KAZN: variants seen among roughly 807,000 people sequenced by gnomAD.
KAZN encodes the protein kazrin.
KAZN carries 40 observed loss-of-function variants against 87.4 expected under a neutral mutation model. The ratio of observed to expected loss-of-function variants is 0.46; its 90% confidence interval spans 0.36 to 0.60. The LOEUF is 0.60. KAZN is among the 20% of genes least tolerant of loss of function. The pLI is 0.00. For synonymous variants in KAZN, 466 were observed against 458.3 expected, an observed-to-expected ratio of 1.02 and a Z score of -0.22; for missense variants, 898 against 1,073.9, an observed-to-expected ratio of 0.84 and a Z score of 2.29.
At chr1:14,634,172 G>A (rs548931599) in intron 1 of KAZN, among the ~76,000 whole-genome samples, 6 of 152,208 alleles carry the variant, frequency 3.9e-5, no homozygotes, top group South Asian at 2.1e-4. Context: ...AATGGATGCC[G>A]TTTATCGTAA....
intron 2 of KAZN, among the ~76,000 whole-genome samples, chr1:14,518,013 C>A (rs1397083761): frequency 1.3e-5 from 2 of 152,114 alleles, no homozygotes; most frequent in Non-Finnish European, 2.9e-5. Context: ...GTTTTACACT[C>A]ATTTTTGGGA....
At position 14,769,554 on chromosome 1, in the gene KAZN, A is replaced by G. The variant is rs1644969894; in HGVS notation, c.226+170331A>G. 6.6e-6 allele frequency among the ~76,000 whole-genome samples: 1 copy of G among 152,020 alleles called. No individual in the cohort carries two copies. Among genetic ancestry groups the G allele is most frequent in the Non-Finnish European group, 1.5e-5 (1 of 68,014 alleles). On this transcript the variant is annotated intron_variant, in intron 1 of 14. Transcript: ENST00000376030. This position sits in a 1 kb window ranked among gnomAD's most constrained non-coding sequence, Gnocchi z 4.1. Reference sequence around the variant, plus strand: ...TTTTTAGTAGAGACAGGGTTTCACCATGTTGGCCAGACTAGTTTCAAACTT... The same window carrying G: ...TTTTTAGTAGAGACAGGGTTTCACCGTGTTGGCCAGACTAGTTTCAAACTT...
intron 2 of KAZN, among the ~76,000 whole-genome samples, chr1:14,587,970 C>A (rs1675960770): frequency 6.6e-6 from 1 of 152,108 alleles, no homozygotes; most frequent in Non-Finnish European, 1.5e-5. Flanking sequence ...TGGAAGGAGG[C>A]CATACAGAAA....
chr1:14,402,083 C>A, intron 2 of KAZN, among the ~76,000 whole-genome samples: 1 of 16,372 alleles, frequency 6.1e-5, no homozygotes, highest in African/African-American at 2.4e-4. Flanking sequence ...AGTTATGAGT[C>A]TATGTAAAAA....
intron 2 of KAZN, among the ~76,000 whole-genome samples, chr1:14,320,289 T>G (rs913326267): frequency 6.6e-6 from 1 of 152,136 alleles, no homozygotes; most frequent in East Asian, 1.9e-4. Context: ...GAAAGAGATA[T>G]AGGTTCCTCA....
intron 1 of KAZN, among the ~76,000 whole-genome samples, chr1:14,600,803 T>C (rs1676906226): frequency 6.6e-6 from 1 of 152,218 alleles, no homozygotes; most frequent in Non-Finnish European, 1.5e-5. Context: ...TAAAGGACAC[T>C]GAACAATGCT....
At chr1:14,379,231 C>T in intron 2 of KAZN, among the ~76,000 whole-genome samples, 1 of 151,584 alleles carries the variant, frequency 6.6e-6, no homozygotes, top group South Asian at 2.1e-4. Context: ...GAACAACTGG[C>T]AGAAATAACC....
At chr1:14,551,349 A>C (rs1163138826) in intron 2 of KAZN, among the ~76,000 whole-genome samples, 1 of 152,206 alleles carries the variant, frequency 6.6e-6, no homozygotes, top group Non-Finnish European at 1.5e-5. Context: ...TCGTATGATA[A>C]AACTTTGCAC....
intron 2 of KAZN, among the ~76,000 whole-genome samples, chr1:14,561,919 A>G (rs1234156759): frequency 6.6e-6 from 1 of 151,644 alleles, no homozygotes; most frequent in African/African-American, 2.4e-5. Flanking sequence ...AAAAAAGAAG[A>G]AAAAAGTTTC....
intron 1 of KAZN, among the ~76,000 whole-genome samples, chr1:14,099,641 G>T (rs1425164570): frequency 6.6e-6 from 1 of 152,158 alleles, no homozygotes; most frequent in Non-Finnish European, 1.5e-5. Context: ...GCCTAGTCCT[G>T]CCCACGAAGG....
chr1:14,008,835 T>C (rs957159145), intron 1 of KAZN, among the ~76,000 whole-genome samples: 5 of 152,222 alleles, frequency 3.3e-5, no homozygotes, highest in African/African-American at 1.2e-4. Context: ...ATCTTAACCA[T>C]TTTTAAGTGT....
rs916383409 is a variant in KAZN, at chr1:13,958,443, G to A, written c.91+64687G>A. Among the ~76,000 whole-genome samples the A allele has an allele frequency of 7.2e-5, 11 of 151,750 alleles. No individual in the cohort carries two copies. In the South Asian group the frequency reaches 8.3e-4, roughly 11 times the overall value. ...AAAAAAATTAGCCGGGCATAGTGGC[G>A]GGCACCTGTAGTCCCAGCTATTCGG... On this transcript the variant is annotated intron_variant, in intron 1 of 16. Transcript: ENST00000636203.
At chr1:15,088,081 C>A (rs961005829) in intron 8 of KAZN, among the ~76,000 whole-genome samples, 5 of 152,208 alleles carry the variant, frequency 3.3e-5, no homozygotes, top group Non-Finnish European at 5.9e-5. Flanking sequence ...TCTATGTGGT[C>A]TTTTGCACCG....
chr1:14,577,400 A>G (rs1675259519), intron 2 of KAZN, among the ~76,000 whole-genome samples: 1 of 152,304 alleles, frequency 6.6e-6, no homozygotes, highest in South Asian at 2.1e-4. Flanking sequence ...GAGCATAAAG[A>G]TTGCTTCCAC....
At chr1:13,899,393 C>T (rs1400758595) in intron 1 of KAZN, among the ~76,000 whole-genome samples, 1 of 152,184 alleles carries the variant, frequency 6.6e-6, no homozygotes, top group Non-Finnish European at 1.5e-5. Context: ...AAATTCAAGC[C>T]ATCTGGATCT....
At chr1:15,020,462 T>C (rs1670554679) in intron 2 of KAZN, among the ~76,000 whole-genome samples, 1 of 152,208 alleles carries the variant, frequency 6.6e-6, no homozygotes, top group Non-Finnish European at 1.5e-5. Flanking sequence ...AGCCTGTCGC[T>C]GACTTCTAGC....
In KAZN at chr1:14,466,812, C is replaced by CA. The variant is rs377325026; in HGVS notation, c.250-132164dup. Among the ~76,000 whole-genome samples, 226 of 152,044 alleles carry CA rather than the reference C, an allele frequency of 1.5e-3. 1 individual carries two copies. The highest frequency in any genetic ancestry group is 3.5e-3 in the African/African-American group (145 of 41,512). On this transcript the variant is annotated intron_variant, in intron 2 of 16. Coordinates refer to the KAZN transcript ENST00000636203. ...TGAAACCCTGTCTCTACTAAAAATA[C>CA]AAAAAAATTAGCCTGTTGTGGTGGC...
chr1:14,877,710 G>A (rs372772725), intron 1 of KAZN, among the ~76,000 whole-genome samples: 5 of 152,150 alleles, frequency 3.3e-5, no homozygotes, highest in African/African-American at 1.2e-4. Flanking sequence ...TGTAATAATA[G>A]TGCCTACTGC....
chr1:14,753,087 G>A (rs531914733), intron 1 of KAZN, among the ~76,000 whole-genome samples: 22 of 152,332 alleles, frequency 1.4e-4, no homozygotes, highest in African/African-American at 5.1e-4. Context: ...TCAGCAAATC[G>A]TGGTTGAGGT....
Sources: allele counts gnomAD v4.1 joint callset (sites outside exome capture counted in the v4.1 genomes callset), GRCh38; gene constraint gnomAD v4.1.1; non-coding constraint Gnocchi (gnomAD v3.1); transcripts MANE v1.5; gene names NCBI Gene and HGNC (gene_info 2026-07-23, HGNC 2026-07-21).